The following SRGAP3 variants were observed in gnomAD, a reference collection of about 807,000 sequenced individuals.
SRGAP3 encodes the protein SLIT-ROBO Rho GTPase activating protein 3, also known as SLIT-ROBO Rho GTPase-activating protein 3.
A neutral mutation model predicts 121.1 loss-of-function variants in SRGAP3; 39 were observed. The ratio of observed to expected loss-of-function variants is 0.32; its 90% CI spans 0.25 to 0.42. The LOEUF (loss-of-function observed/expected upper bound fraction) is 0.42, where lower values mean the gene tolerates loss of function less well. Among genes scored for constraint, SRGAP3 ranks in the 10% least tolerant of loss-of-function variants. SRGAP3 has a pLI of 1.00. For missense variants in SRGAP3, 1,213 were observed against 1,470.6 expected (o/e 0.82, Z 2.86); for synonymous variants, 601 against 570.0 (o/e 1.05, Z -0.77).
intron 3 of SRGAP3, among the ~76,000 whole-genome samples, chr3:9,255,749 C>T (rs1001359850): frequency 2.0e-5 from 3 of 152,074 alleles, no homozygotes; most frequent in Non-Finnish European, 4.4e-5. Context: ...GCAAAGTCAA[C>T]GTGTGTCTGC....
chr3:9,245,399 G>T (rs566974780), intron 1 of SRGAP3, among the ~76,000 whole-genome samples: 23 of 152,274 alleles, frequency 1.5e-4, no homozygotes, highest in African/African-American at 4.8e-4. Context: ...ATGACACTGA[G>T]GTTTGCAACC....
chr3:9,099,337 C>G (rs1262922596), intron 3 of SRGAP3, among the ~76,000 whole-genome samples: 2 of 152,156 alleles, frequency 1.3e-5, no homozygotes, highest in East Asian at 3.8e-4. Flanking sequence ...CCATCAAATT[C>G]ACATCACGGC....
chr3:9,036,917 C>T (rs778544709), intron 11 of SRGAP3: 2 of 152,216 alleles, frequency 1.3e-5, no homozygotes, highest in African/African-American at 2.4e-5. Context: ...AAGGGCCTTG[C>T]CTGGTGTGAA....
At chr3:9,079,920 AAAAGGCC>A in intron 4 of SRGAP3, 98 bp downstream of exon 4, 2 of 1,259,572 alleles carry the variant, frequency 1.6e-6, no homozygotes, top group Non-Finnish European at 2.3e-6. Context: ...AACGCAGCAA[AAAAGGCC>A]TGGGGTCATT....
At chr3:9,309,158 C>A (rs913295358) in intron 3 of SRGAP3, among the ~76,000 whole-genome samples, 1 of 152,154 alleles carries the variant, frequency 6.6e-6, no homozygotes, top group East Asian at 1.9e-4. Context: ...TGATGAGAAA[C>A]CATGTGGGGT....
intron 19 of SRGAP3, among the ~76,000 whole-genome samples, chr3:8,993,420 C>T (rs567281868): frequency 6.6e-6 from 1 of 152,210 alleles, no homozygotes; most frequent in African/African-American, 2.4e-5. Flanking sequence ...TGCTGAGTCT[C>T]TGTGTGACTT....
intron 19 of SRGAP3, 27 bp downstream of exon 19, chr3:8,994,316 C>G: frequency 6.2e-7 from 1 of 1,613,376 alleles, no homozygotes; most frequent in Middle Eastern, 1.7e-4. Flanking sequence ...TTTCGGCATT[C>G]TTCACAGAAT....
At chr3:9,300,156 CCACCATCATCATCTTCATCAT>C (rs1955029180) in intron 3 of SRGAP3, among the ~76,000 whole-genome samples, 1 of 368 alleles carries the variant, frequency 2.7e-3, no homozygotes, top group Non-Finnish European at 6.8e-3. Context: ...ATCGTCACCA[CCACCATCATCATCTTCATCAT>C]CACCACCATC....
chr3:9,038,227 G>T, intron 10 of SRGAP3, 137 bp from the exon 11 acceptor site: 4 of 1,227,190 alleles, frequency 3.3e-6, no homozygotes, highest in South Asian at 2.6e-5. Context: ...CTAAGGTGCG[G>T]TCTGTTGAAA....
At chr3:9,002,605 TA>T (rs1379691196) in intron 18 of SRGAP3, among the ~76,000 whole-genome samples, 3 of 151,866 alleles carry the variant, frequency 2.0e-5, no homozygotes, top group Non-Finnish European at 4.4e-5. Flanking sequence ...CAGAAATTAA[TA>T]AAATAGAGAA....
chr3:9,091,093 T>A (rs1560125233), intron 3 of SRGAP3, among the ~76,000 whole-genome samples: 1 of 151,684 alleles, frequency 6.6e-6, no homozygotes, highest in Non-Finnish European at 1.5e-5. Context: ...CACACACACA[T>A]ACACACACAC....
At chr3:9,245,633 G>A (rs1264017001) in intron 1 of SRGAP3, among the ~76,000 whole-genome samples, 1 of 152,126 alleles carries the variant, frequency 6.6e-6, no homozygotes. Flanking sequence ...AAGAAAAAAT[G>A]CTTACAAGGG....
chr3:9,255,554 G>T (rs79753629), intron 3 of SRGAP3, among the ~76,000 whole-genome samples: 1,626 of 152,292 alleles, frequency 0.011, 30 homozygotes, highest in African/African-American at 0.036. Flanking sequence ...CCCTGCTGGG[G>T]CCCCTGGCTA....
At chr3:9,307,797 C>T (rs1383082705) in intron 3 of SRGAP3, among the ~76,000 whole-genome samples, 1 of 152,198 alleles carries the variant, frequency 6.6e-6, no homozygotes, top group African/African-American at 2.4e-5. Context: ...AAGTTAGAAA[C>T]AACCCATGTA....
At chr3:9,345,592 T>C (rs1321179466) in intron 1 of SRGAP3, among the ~76,000 whole-genome samples, 2 of 151,518 alleles carry the variant, frequency 1.3e-5, no homozygotes, top group African/African-American at 2.4e-5. Context: ...AAACCAGCCA[T>C]AGCCAACATG....
chr3:8,983,181 C>A lies in SRGAP3; in HGVS notation c.*2338G>T, dbSNP rs1941509335. On this transcript the variant is annotated 3_prime_UTR_variant, in exon 22 of 22. Coordinates refer to ENST00000383836, the MANE Select transcript of SRGAP3 (RefSeq NM_014850.4). ...ACATGACTTTAAGAGCCTGACGCAG[C>A]CTCTGCTCCTAGCCAGTGTCAAATC... 4 of 226,930 alleles carry A rather than the reference C, an allele frequency of 1.8e-5. No homozygotes were observed. Among genetic ancestry groups the A allele is most frequent in the Non-Finnish European group, 3.5e-5 (4 of 114,168 alleles). 14.1% of individuals were successfully genotyped at this position (226,930 alleles called of 1,614,324 possible).
At chr3:9,083,427 A>G (rs1947326448) in intron 3 of SRGAP3, among the ~76,000 whole-genome samples, 1 of 152,256 alleles carries the variant, frequency 6.6e-6, no homozygotes, top group South Asian at 2.1e-4. Context: ...TAATCTATGA[A>G]TAAACAAACA....
At chr3:9,068,267 T>C (rs949855780) in intron 4 of SRGAP3, among the ~76,000 whole-genome samples, 3 of 152,244 alleles carry the variant, frequency 2.0e-5, no homozygotes, top group African/African-American at 7.2e-5. Context: ...CCAATCACCA[T>C]GCATCCATCC....
At chr3:9,052,900 G>T in intron 9 of SRGAP3, 127 bp downstream of exon 9, 1 of 1,133,094 alleles carries the variant, frequency 8.8e-7, no homozygotes, top group Non-Finnish European at 1.3e-6. Context: ...TAAAAGCATG[G>T]TGATGGAGTC....
Sources: allele counts gnomAD v4.1 joint callset (sites outside exome capture counted in the v4.1 genomes callset), GRCh38; gene constraint gnomAD v4.1.1; transcripts MANE v1.5; gene names NCBI Gene and HGNC (gene_info 2026-07-23, HGNC 2026-07-21).